The following TNKS variants were observed in gnomAD, a reference collection of about 807,000 sequenced individuals.
The protein encoded by TNKS is tankyrase.
A neutral mutation model predicts 135.8 loss-of-function variants in TNKS; 72 were observed. That is an observed-to-expected ratio of 0.53 (90% confidence interval 0.44 to 0.64). TNKS has a LOEUF of 0.64. Among genes scored for constraint, TNKS ranks in the 30% least tolerant of loss-of-function variants. The pLI is 0.00. For synonymous variants in TNKS, 849 were observed against 649.3 expected, an observed-to-expected ratio of 1.31 and a Z score of -4.68; for missense variants, 1,769 against 1,674.0, an observed-to-expected ratio of 1.06 and a Z score of -0.99.
chr8:9,714,879 C>T (rs1048709675), intron 11 of TNKS, among the ~76,000 whole-genome samples: 1 of 152,146 alleles, frequency 6.6e-6, no homozygotes, highest in Non-Finnish European at 1.5e-5. Context: ...GTTGGAAAGA[C>T]AGCATCAGAG....
intron 20 of TNKS, among the ~76,000 whole-genome samples, chr8:9,759,055 G>A (rs574402371): frequency 6.6e-6 from 1 of 152,258 alleles, no homozygotes; most frequent in East Asian, 1.9e-4. Flanking sequence ...TGTATAACAT[G>A]GTTTCTTGCT....
intron 3 of TNKS, among the ~76,000 whole-genome samples, chr8:9,672,362 C>G (rs1035520093): frequency 1.3e-5 from 2 of 152,024 alleles, no homozygotes; most frequent in African/African-American, 2.4e-5. Context: ...CAAAACACCC[C>G]CCGTGGAGAC....
At chr8:9,636,768 ATACGT>A (rs989733465) in intron 3 of TNKS, among the ~76,000 whole-genome samples, 36 of 152,308 alleles carry the variant, frequency 2.4e-4, no homozygotes, top group African/African-American at 8.4e-4. Context: ...CTCTTTGAGA[ATACGT>A]TACGTTAGAT....
At chr8:9,717,912 G>A (rs920958292) in intron 11 of TNKS, among the ~76,000 whole-genome samples, 1 of 152,070 alleles carries the variant, frequency 6.6e-6, no homozygotes, top group Non-Finnish European at 1.5e-5. Flanking sequence ...AGCTAGGAAT[G>A]TTCAGGAATC....
intron 2 of TNKS, among the ~76,000 whole-genome samples, chr8:9,608,222 T>C (rs991803917): frequency 1.3e-5 from 2 of 152,220 alleles, no homozygotes; most frequent in Non-Finnish European, 1.5e-5. Flanking sequence ...AATATAGGCA[T>C]GAGACACCAT....
At chr8:9,762,833 A>C (rs975156486) in intron 21 of TNKS, among the ~76,000 whole-genome samples, 1 of 150,908 alleles carries the variant, frequency 6.6e-6, no homozygotes, top group Admixed American at 6.6e-5. Flanking sequence ...TGAACCCGGG[A>C]GGCGGAGCTT....
At chr8:9,654,917 C>A (rs545208895) in intron 3 of TNKS, among the ~76,000 whole-genome samples, 1 of 152,270 alleles carries the variant, frequency 6.6e-6, no homozygotes, top group South Asian at 2.1e-4. Context: ...GTGGGTGCAA[C>A]GCACCATGCG....
At chr8:9,640,894 C>G (rs1800701355) in intron 3 of TNKS, among the ~76,000 whole-genome samples, 1 of 146,194 alleles carries the variant, frequency 6.8e-6, no homozygotes, top group Non-Finnish European at 1.5e-5. Flanking sequence ...TCTCACCTGG[C>G]TAATGTGAAT....
chr8:9,717,070 A>ATT (rs1242745445), intron 11 of TNKS, among the ~76,000 whole-genome samples: 1 of 72,230 alleles, frequency 1.4e-5, no homozygotes, highest in African/African-American at 4.8e-5. Context: ...CTGTTGTATT[A>ATT]TAATATATAT....
chr8:9,559,592 T>TC (rs113032448), intron 1 of TNKS, among the ~76,000 whole-genome samples: 44,141 of 151,744 alleles, frequency 0.29, 6,813 homozygotes, highest in East Asian at 0.41. Flanking sequence ...ATTTTCAGCC[T>TC]CCCCCATCCC....
In TNKS at chr8:9,781,370, G is replaced by A. The variant is rs895436762; in HGVS notation, c.*4634G>A. ...TTCAGAGTGTTTGCAGAGAAATGCA[G>A]TTGAACCCTGGTAGTGGGGTGTCCC... On this transcript the variant is annotated 3_prime_UTR_variant, in exon 27 of 27. Coordinates refer to ENST00000310430, the MANE Select transcript of TNKS (RefSeq NM_003747.3). 2 of 152,180 alleles carry A rather than the reference G, an allele frequency of 1.3e-5. No individual in the cohort carries two copies. The highest frequency in any genetic ancestry group is 2.4e-5 in the African/African-American group (1 of 41,430). The allele number at this position is 152,180 out of a possible 1,614,324, so 9.4% of individuals were successfully genotyped here. A position where few individuals can be genotyped will look rare whatever the true frequency, so the allele number is the denominator to read the frequency against.
In TNKS at chr8:9,720,473, C is replaced by T. The variant is rs1217827977; in HGVS notation, c.1849C>T (p.Pro617Ser). 1.2e-6 allele frequency: 2 copies of T among 1,614,106 alleles called. No individual in the cohort carries two copies. Among genetic ancestry groups the T allele is most frequent in the Admixed American group, 1.7e-5 (1 of 60,022 alleles). The change falls in exon 12 of 27, where the codon CCC (proline) becomes TCC (serine). Residue 617 changes from proline (P) to serine (S), a missense_variant. Around this residue, in one of 5 missense-constraint regions of TNKS, gnomAD observed 523 missense variants for 541.0 expected, o/e 0.97. Coordinates refer to ENST00000310430, the MANE Select transcript of TNKS (RefSeq NM_003747.3). The part of the protein sequence containing the change: ...CRLLLSYGSD[P>S]SIISLQGFTA... ...CCTCCTGCTGAGTTACGGCTCTGAC[C>T]CCTCCATCATCTCCTTACAAGGCTT...
chr8:9,695,835 T>C (rs887000733), intron 5 of TNKS, among the ~76,000 whole-genome samples: 1 of 152,124 alleles, frequency 6.6e-6, no homozygotes, highest in Non-Finnish European at 1.5e-5. Flanking sequence ...GGGAAAAAGA[T>C]GGGAATGAAG....
At chr8:9,765,625 T>C in intron 23 of TNKS, 67 bp from the exon 24 acceptor site, 1 of 1,357,518 alleles carries the variant, frequency 7.4e-7, no homozygotes, top group Non-Finnish European at 1.0e-6. Context: ...AAGGAAAACA[T>C]ACTTTTCATT....
At position 9,630,081 on chromosome 8, in the gene TNKS, A is replaced by C. The variant is rs79361467; in HGVS notation, c.994+14404A>C. On this transcript the variant is annotated intron_variant, in intron 3 of 26. Coordinates refer to ENST00000310430, the MANE Select transcript of TNKS (RefSeq NM_003747.3). ...TGGGCTAGTATCTAGTCCAGCCACC[A>C]GTCACCCTGTATATCCCGTGTCTCC... Among the ~76,000 whole-genome samples, 728 of 152,242 alleles carry C rather than the reference A, an allele frequency of 4.8e-3. 10 individuals carry two copies. The highest frequency in any genetic ancestry group is 0.017 in the African/African-American group (708 of 41,528).
chr8:9,690,118 T>C lies in TNKS; in HGVS notation c.1107+9318T>C, dbSNP rs796810482. Among the ~76,000 whole-genome samples the C allele has an allele frequency of 2.6e-5, 4 of 152,222 alleles. No individual in the cohort carries two copies. The East Asian group carries it at 5.8e-4, about 22-fold the overall frequency. ...AATCTACCAGCTATTTCTCATTCGATGATGAAAACCTAATGTTGCACCTTG... is the reference window on the plus strand; with the variant it reads ...AATCTACCAGCTATTTCTCATTCGACGATGAAAACCTAATGTTGCACCTTG... On this transcript the variant is annotated intron_variant, in intron 5 of 26. Coordinates refer to ENST00000310430, the MANE Select transcript of TNKS (RefSeq NM_003747.3).
chr8:9,757,256 T>G (rs1046939050), intron 20 of TNKS, among the ~76,000 whole-genome samples: 2 of 152,218 alleles, frequency 1.3e-5, no homozygotes, highest in African/African-American at 4.8e-5. Context: ...ATTACAGGCA[T>G]GAGCCACCAC....
intron 1 of TNKS, among the ~76,000 whole-genome samples, chr8:9,571,706 G>T (rs1160159446): frequency 6.6e-6 from 1 of 152,148 alleles, no homozygotes; most frequent in Admixed American, 6.5e-5. Flanking sequence ...ATCCAAAAGT[G>T]CTGGGCCTCA....
chr8:9,608,685 A>G (rs1799330280), intron 2 of TNKS, among the ~76,000 whole-genome samples: 2 of 151,980 alleles, frequency 1.3e-5, no homozygotes, highest in African/African-American at 4.8e-5. Flanking sequence ...CTAGTTTCCC[A>G]TCCTGCAGAC....
Sources: allele counts gnomAD v4.1 joint callset (sites outside exome capture counted in the v4.1 genomes callset), GRCh38; gene constraint gnomAD v4.1.1; regional missense constraint gnomAD v4.1.1; transcripts MANE v1.5; gene names NCBI Gene and HGNC (gene_info 2026-07-23, HGNC 2026-07-21).